Variants in MAP3K3 observed in about 807,000 individuals in gnomAD.
The protein encoded by MAP3K3 is MAP/ERK kinase kinase 3.
Under a neutral mutation model 80.9 loss-of-function variants are expected in MAP3K3, and 12 were observed. That is an observed-to-expected ratio of 0.15 (90% CI 0.10 to 0.24). The LOEUF (loss-of-function observed/expected upper bound fraction) is 0.24, where lower values mean the gene tolerates loss of function less well. Ranked by LOEUF, MAP3K3 falls within the 10% of genes least tolerant of loss-of-function variation. The pLI is 1.00. For missense variants in MAP3K3, 596 were observed against 834.7 expected, an observed-to-expected ratio of 0.71 and a Z score of 3.52; for synonymous variants, 272 against 307.1, an observed-to-expected ratio of 0.89 and a Z score of 1.19.
At chr17:63,653,194 C>T (rs2034694894) in intron 4 of MAP3K3, among the ~76,000 whole-genome samples, 1 of 152,208 alleles carries the variant, frequency 6.6e-6, no homozygotes, top group South Asian at 2.1e-4. Context: ...TCCTTATTTA[C>T]TTCTACTTTG....
intron 1 of MAP3K3, 96 bp from the exon 2 acceptor site, chr17:63,632,584 TG>T: frequency 7.1e-7 from 1 of 1,408,958 alleles, no homozygotes; most frequent in Non-Finnish European, 9.8e-7. Flanking sequence ...TCATTTTACC[TG>T]GGCAGAACTC....
In MAP3K3 at chr17:63,691,689, A is replaced by G; in HGVS notation, c.1345-44A>G. 6.3e-7 allele frequency: 1 copy of G among 1,593,778 alleles called. No homozygotes were observed. Among genetic ancestry groups the G allele is most frequent in the Non-Finnish European group, 8.6e-7 (1 of 1,165,514 alleles). ...GCTGGAATGGGCTTGCCCCTCCACC[A>G]GCCCTCCCCTGAGGGGACTCCTCTG... is the stretch of plus-strand genomic sequence containing the variant. On this transcript the variant is annotated intron_variant, in intron 13 of 15. Transcript: ENST00000361733. The surrounding 1 kb of genome is among the most constrained non-coding windows in gnomAD (Gnocchi z 4.8).
intron 6 of MAP3K3, among the ~76,000 whole-genome samples, chr17:63,679,547 A>G (rs373212876): frequency 6.6e-6 from 1 of 152,170 alleles, no homozygotes; most frequent in African/African-American, 2.4e-5. Context: ...CAGTGGTCCA[A>G]ACACGGCTCA....
At chr17:63,623,793 AGGGT>A in intron 1 of MAP3K3, among the ~76,000 whole-genome samples, 1 of 152,380 alleles carries the variant, frequency 6.6e-6, no homozygotes, top group African/African-American at 2.4e-5. Context: ...TAATAATAAA[AGGGT>A]AAACTTCAGT....
At chr17:63,641,753 A>C (rs763790876) in intron 2 of MAP3K3, among the ~76,000 whole-genome samples, 1 of 152,092 alleles carries the variant, frequency 6.6e-6, no homozygotes, top group Non-Finnish European at 1.5e-5. Flanking sequence ...GGAATCATCT[A>C]TTTAGAGGCC....
intron 4 of MAP3K3, among the ~76,000 whole-genome samples, chr17:63,655,578 C>T (rs1389399394): frequency 6.6e-6 from 1 of 152,156 alleles, no homozygotes; most frequent in African/African-American, 2.4e-5. Flanking sequence ...GCAGCCTTGA[C>T]ATCCTGGGTT....
intron 5 of MAP3K3, among the ~76,000 whole-genome samples, chr17:63,658,734 C>CTT (rs55818509): frequency 0.031 from 4,337 of 138,062 alleles, 247 homozygotes; most frequent in African/African-American, 0.11. Context: ...CATTTCTTTT[C>CTT]TTTTTTTTTT....
intron 1 of MAP3K3, among the ~76,000 whole-genome samples, chr17:63,629,477 G>T (rs1025249718): frequency 6.6e-6 from 1 of 152,148 alleles, no homozygotes; most frequent in East Asian, 1.9e-4. Context: ...CACATTGGAG[G>T]AGTGCTGATA....
chr17:63,648,119 T>G lies in MAP3K3; in HGVS notation c.167+2045T>G, dbSNP rs543059823. On this transcript the variant is annotated intron_variant, in intron 3 of 15. Coordinates refer to ENST00000361733, the MANE Select transcript of MAP3K3 (RefSeq NM_002401.5). ...GTTGCATGGGTGTTAGACCTCTCTT[T>G]GAAGCACTGGCCTAAAAATGCCTGT... is the stretch of plus-strand genomic sequence containing the variant. Among the ~76,000 whole-genome samples, 9 of 152,338 alleles carry G rather than the reference T, an allele frequency of 5.9e-5. No individual in the cohort carries two copies. The South Asian group carries it at 1.9e-3, about 32-fold the overall frequency.
At chr17:63,652,328 G>A (rs2034672608) in intron 3 of MAP3K3, among the ~76,000 whole-genome samples, 1 of 151,978 alleles carries the variant, frequency 6.6e-6, no homozygotes, top group Non-Finnish European at 1.5e-5. Context: ...TGAATGGTTG[G>A]GATTGAGCAA....
chr17:63,652,456 C>T (rs1258298726), intron 3 of MAP3K3, 101 bp from the exon 4 acceptor site: 3 of 766,390 alleles, frequency 3.9e-6, no homozygotes, highest in East Asian at 2.7e-5. Flanking sequence ...AAAACAGAAT[C>T]CTATGTTGAG....
intron 4 of MAP3K3, among the ~76,000 whole-genome samples, chr17:63,652,869 A>G (rs999920159): frequency 1.3e-5 from 2 of 151,950 alleles, no homozygotes; most frequent in East Asian, 3.9e-4. Context: ...CATTCCCCCT[A>G]CTCATTCAGT....
chr17:63,637,960 G>T (rs1001150687), intron 2 of MAP3K3, among the ~76,000 whole-genome samples: 10 of 152,334 alleles, frequency 6.6e-5, no homozygotes, highest in Admixed American at 2.6e-4. Context: ...TAGAGGAAGA[G>T]AATTCCAGGA....
intron 1 of MAP3K3, among the ~76,000 whole-genome samples, chr17:63,623,292 G>A (rs1205704050): frequency 2.0e-5 from 3 of 152,246 alleles, no homozygotes; most frequent in Non-Finnish European, 4.4e-5. Flanking sequence ...CAGGGGGGAG[G>A]GCGTGCGGGG....
At chr17:63,681,688 A>G (rs1441461478) in intron 6 of MAP3K3, 78 bp from the exon 7 acceptor site, 4 of 1,290,330 alleles carry the variant, frequency 3.1e-6, no homozygotes, top group Non-Finnish European at 4.0e-6. Context: ...CTAGGGCCTA[A>G]TAGTTGGCCC....
intron 7 of MAP3K3, chr17:63,682,317 T>C (rs1172347846): frequency 2.6e-5 from 4 of 153,942 alleles, no homozygotes; most frequent in Non-Finnish European, 5.8e-5. Context: ...GTAAACCATA[T>C]CAAAATTACA....
intron 3 of MAP3K3, among the ~76,000 whole-genome samples, chr17:63,652,187 C>G (rs1327257908): frequency 3.3e-5 from 5 of 152,106 alleles, no homozygotes; most frequent in Non-Finnish European, 7.4e-5. Context: ...TCTCTCTTCC[C>G]CAAGTCCCAA....
chr17:63,689,793 G>A lies in MAP3K3; in HGVS notation c.1063+58G>A, dbSNP rs2035545772. The A allele has an allele frequency of 6.6e-7, 1 of 1,512,358 alleles. No homozygotes were observed. Among genetic ancestry groups the A allele is most frequent in the African/African-American group, 1.4e-5 (1 of 72,584 alleles). 93.7% of individuals were successfully genotyped at this position (1,512,358 alleles called of 1,614,324 possible). A position where few individuals can be genotyped will look rare whatever the true frequency, so the allele number is the denominator to read the frequency against. Reference sequence around the variant, plus strand: ...CCCAGGTGGTCTCAGACAAGCTACGGGGGCAAACAGCTGGGCCCCTGGGAC... The same window carrying A: ...CCCAGGTGGTCTCAGACAAGCTACGAGGGCAAACAGCTGGGCCCCTGGGAC... On this transcript the variant is annotated intron_variant, in intron 11 of 15. Transcript: ENST00000361733. The surrounding 1 kb of genome is among the most constrained non-coding windows in gnomAD (Gnocchi z 4.3).
intron 6 of MAP3K3, among the ~76,000 whole-genome samples, chr17:63,676,629 G>T (rs1224620821): frequency 1.3e-5 from 2 of 152,222 alleles, no homozygotes; most frequent in African/African-American, 2.4e-5. Flanking sequence ...GGAAGAAGAG[G>T]TTCCATAAAC....
Sources: allele counts gnomAD v4.1 joint callset (sites outside exome capture counted in the v4.1 genomes callset), GRCh38; gene constraint gnomAD v4.1.1; non-coding constraint Gnocchi (gnomAD v3.1); transcripts MANE v1.5; gene names NCBI Gene and HGNC (gene_info 2026-07-23, HGNC 2026-07-21).